The following CEMIP variants were observed in gnomAD, a reference collection of about 807,000 sequenced individuals.
CEMIP encodes the protein cell migration-inducing and hyaluronan-binding protein.
Under a neutral mutation model 156.9 loss-of-function variants are expected in CEMIP, and 105 were observed. The observed-to-expected ratio is 0.67, with a 90% CI of 0.57 to 0.79. The LOEUF (loss-of-function observed/expected upper bound fraction) is 0.79. CEMIP is among the 30% of genes least tolerant of loss of function. The pLI is 0.00. For synonymous variants in CEMIP, 676 were observed against 668.4 expected (o/e 1.01, Z -0.17); for missense variants, 1,457 against 1,769.4 (o/e 0.82, Z 3.17).
At chr15:80,818,537 T>C (rs1004617941) in intron 1 of CEMIP, among the ~76,000 whole-genome samples, 1 of 152,242 alleles carries the variant, frequency 6.6e-6, no homozygotes, top group African/African-American at 2.4e-5. Flanking sequence ...AGCAGCTGTA[T>C]TTGTATCACA....
intron 1 of CEMIP, among the ~76,000 whole-genome samples, chr15:80,866,452 C>T (rs1429111747): frequency 2.0e-5 from 3 of 151,878 alleles, no homozygotes; most frequent in East Asian, 1.9e-4. Flanking sequence ...ATTAGCCAGG[C>T]GTGGTGGTGG....
intron 18 of CEMIP, 133 bp from the exon 19 acceptor site, chr15:80,925,491 C>T (rs558003443): frequency 3.9e-5 from 48 of 1,223,982 alleles, no homozygotes; most frequent in East Asian, 1.5e-4. Flanking sequence ...CCAGGCAATG[C>T]GAATGGGTTT....
chr15:80,902,123 T>G (rs1429035253), intron 12 of CEMIP, among the ~76,000 whole-genome samples: 4 of 152,146 alleles, frequency 2.6e-5, no homozygotes, highest in Non-Finnish European at 2.9e-5. Flanking sequence ...TGGAAGGTCT[T>G]TGATGTTTTT....
chr15:80,823,157 T>C (rs1896948774), intron 1 of CEMIP, among the ~76,000 whole-genome samples: 1 of 152,170 alleles, frequency 6.6e-6, no homozygotes, highest in Admixed American at 6.5e-5. Flanking sequence ...GAGAAACGGT[T>C]TGTTTGAATT....
At chr15:80,823,610 C>T (rs1896960008) in intron 1 of CEMIP, among the ~76,000 whole-genome samples, 1 of 152,140 alleles carries the variant, frequency 6.6e-6, no homozygotes, top group Non-Finnish European at 1.5e-5. Flanking sequence ...GGTCTCCTGT[C>T]CTGAGACTAG....
rs1417125141 is a variant in CEMIP, at chr15:80,881,050, C to T, written c.531C>T (p.Gly177=). Residue 177 remains glycine (G), a synonymous_variant, in exon 6 of 30, where the codon GGC becomes GGT. Transcript: ENST00000394685. The part of the protein sequence containing the change: ...TLHPGGMAEG[G]YFFERSWGHR... The stretch of plus-strand genomic sequence containing the variant: ...ACCCAGGTGGCATGGCAGAAGGAGG[C>T]TATTTTTTTGAAAGGAGCTGGGGCC... 8.7e-6 allele frequency: 14 copies of T among 1,614,066 alleles called. No homozygotes were observed. The highest frequency in any genetic ancestry group is 2.2e-5 in the East Asian group (1 of 44,892).
intron 6 of CEMIP, among the ~76,000 whole-genome samples, chr15:80,883,034 A>G (rs558589469): frequency 2.6e-5 from 4 of 152,284 alleles, no homozygotes; most frequent in African/African-American, 7.2e-5. Context: ...AGATTGTGCC[A>G]ACAGTTGGAA....
At chr15:80,888,889 C>G in intron 9 of CEMIP, 93 bp downstream of exon 9, 1 of 1,107,588 alleles carries the variant, frequency 9.0e-7, no homozygotes, top group Non-Finnish European at 1.4e-6. Flanking sequence ...TCTCTTATAC[C>G]AGTAGGACCA....
chr15:80,923,518 G>A (rs1016362718), intron 17 of CEMIP, among the ~76,000 whole-genome samples: 2 of 152,146 alleles, frequency 1.3e-5, no homozygotes, highest in East Asian at 1.9e-4. Context: ...GTGCATGCAG[G>A]TGAATGGTTT....
chr15:80,949,703 C>G lies in CEMIP; in HGVS notation c.*779C>G, dbSNP rs551773625. 1 of 153,568 alleles carries G rather than the reference C, an allele frequency of 6.5e-6. No homozygotes were observed. Among genetic ancestry groups the G allele is most frequent in the African/African-American group, 2.4e-5 (1 of 41,456 alleles). 9.5% of individuals were successfully genotyped at this position (153,568 alleles called of 1,614,324 possible). On this transcript the variant is annotated 3_prime_UTR_variant, in exon 30 of 30. Transcript: ENST00000394685. ...ATGCCTAGCTTGAGGGGTCTGCAGT[C>G]CAGTAGGGCAGGCAGTCAGGTCCAT...
intron 1 of CEMIP, among the ~76,000 whole-genome samples, chr15:80,816,480 T>C (rs1358926074): frequency 3.3e-5 from 5 of 152,130 alleles, no homozygotes; most frequent in Admixed American, 3.3e-4. Context: ...CCTTGCCTCA[T>C]TTCTGCACCA....
intron 3 of CEMIP, among the ~76,000 whole-genome samples, chr15:80,876,851 C>T (rs891303374): frequency 2.0e-5 from 3 of 152,178 alleles, no homozygotes; most frequent in South Asian, 2.1e-4. Flanking sequence ...AAAATCAAGG[C>T]GCATTTAGAA....
In CEMIP at chr15:80,877,244, A is replaced by G. The variant is rs149156695; in HGVS notation, c.95-1477A>G. Among the ~76,000 whole-genome samples the G allele has an allele frequency of 5.3e-3, 806 of 152,262 alleles. 7 individuals are homozygous for G. Among genetic ancestry groups the G allele is most frequent in the African/African-American group, 0.019 (771 of 41,532 alleles). On this transcript the variant is annotated intron_variant, in intron 3 of 29. Coordinates refer to ENST00000394685, the MANE Select transcript of CEMIP (RefSeq NM_001293298.2). ...GGTGAGGACACAGCCAAACCATAGC[A>G]TGCACTGAAGCCAGAATCCCTCCCA...
At chr15:80,831,905 C>T (rs1404103710) in intron 1 of CEMIP, among the ~76,000 whole-genome samples, 1 of 152,184 alleles carries the variant, frequency 6.6e-6, no homozygotes, top group African/African-American at 2.4e-5. Context: ...TCACGTTGAT[C>T]TGTGTACAAA....
intron 1 of CEMIP, among the ~76,000 whole-genome samples, chr15:80,796,273 C>T (rs1159586437): frequency 2.0e-5 from 3 of 152,160 alleles, no homozygotes; most frequent in Non-Finnish European, 4.4e-5. Flanking sequence ...CGTGCCCAGC[C>T]TTAGCAAGTA....
In CEMIP at chr15:80,840,154, G is replaced by T. The variant is rs884377; in HGVS notation, c.-175-33384G>T. Among the ~76,000 whole-genome samples, 424 of 152,332 alleles carry T rather than the reference G, an allele frequency of 2.8e-3. 8 individuals are homozygous for T. The highest frequency in any genetic ancestry group is 0.022 in the Admixed American group (337 of 15,304). On this transcript the variant is annotated intron_variant, in intron 1 of 29. Transcript: ENST00000394685. Reference sequence around the variant, plus strand: ...CCAAGGTGCTTCCTAGGGGCTCGGAGGGTGGCCCCAGAAGACCCCGGGGGA... The same window carrying T: ...CCAAGGTGCTTCCTAGGGGCTCGGATGGTGGCCCCAGAAGACCCCGGGGGA...
rs549734881 is a variant in CEMIP, at chr15:80,865,471, C to G, written c.-175-8067C>G. On this transcript the variant is annotated intron_variant, in intron 1 of 29. Transcript: ENST00000394685. ...CTGGGATTATAGGCGTGAGCCACCGCGCCCGGCCAAGGAACTAAATTTTTA... is the reference window on the plus strand; with the variant it reads ...CTGGGATTATAGGCGTGAGCCACCGGGCCCGGCCAAGGAACTAAATTTTTA... Among the ~76,000 whole-genome samples the G allele has an allele frequency of 2.5e-3, 388 of 152,228 alleles. 4 individuals are homozygous for G. The highest frequency in any genetic ancestry group is 8.9e-3 in the African/African-American group (369 of 41,540).
Position 80,878,740 on chromosome 15 carries a change from C to A in CEMIP, c.114C>A (p.Asp38Glu), listed in dbSNP as rs371278679. ...TGGCAGTGGCTGCTGGGTGCCCTGACCAGAGCCCTGAGTTGCAACCCTGGA... is the reference window on the plus strand; with the variant it reads ...TGGCAGTGGCTGCTGGGTGCCCTGAACAGAGCCCTGAGTTGCAACCCTGGA... ...ATSTVAAGCP[D>E]QSPELQPWNP... is the part of the protein sequence containing the mutation. The change falls in exon 4 of 30, where the codon GAC (aspartate) becomes GAA (glutamate). Residue 38 changes from aspartate (D) to glutamate (E), a missense_variant. Physicochemically the swap from Asp to Glu is conservative, Grantham distance 45. Around this residue, in one of 5 missense-constraint regions of CEMIP, gnomAD observed 309 missense variants for 340.8 expected, o/e 0.91. Coordinates refer to ENST00000394685, the MANE Select transcript of CEMIP (RefSeq NM_001293298.2). The A allele has an allele frequency of 6.2e-7, 1 of 1,614,120 alleles. No individual in the cohort carries two copies. Among genetic ancestry groups the A allele is most frequent in the Non-Finnish European group, 8.5e-7 (1 of 1,180,022 alleles).
Position 80,888,707 on chromosome 15 carries a change from G to A in CEMIP, c.875G>A (p.Arg292Gln), listed in dbSNP as rs1256683418. The A allele has an allele frequency of 4.3e-6, 7 of 1,613,916 alleles. No homozygotes were observed. The highest frequency in any genetic ancestry group is 2.2e-5 in the East Asian group (1 of 44,894). ...GGTCTCGTTTCTCTGACAGGACATCGAGGCTCTGCTGCTGCCCGGGTATTC... is the reference window on the plus strand; with the variant it reads ...GGTCTCGTTTCTCTGACAGGACATCAAGGCTCTGCTGCTGCCCGGGTATTC... ...VEDHIEYHGH[R>Q]GSAAARVFKL... The change falls in exon 9 of 30, where the codon CGA (arginine) becomes CAA (glutamine). Residue 292 changes from arginine to glutamine, a missense_variant. Physicochemically the swap from Arg to Gln is conservative, Grantham distance 43. Transcript: ENST00000394685.
Sources: gnomAD v4.1 joint callset for allele counts (sites outside exome capture counted in the v4.1 genomes callset) on GRCh38, gnomAD v4.1.1 for gene constraint, gnomAD v4.1.1 regional missense constraint, MANE v1.5 for transcripts, NCBI Gene and HGNC (gene_info 2026-07-23, HGNC 2026-07-21) for gene names.